MAP2: variants seen among roughly 807,000 people sequenced by gnomAD.
The protein encoded by MAP2 is microtubule associated protein 2.
Under a neutral mutation model 137.6 loss-of-function variants are expected in MAP2, and 14 were observed. The ratio of observed to expected loss-of-function variants is 0.10; its 90% CI spans 0.07 to 0.16. The LOEUF is 0.16. Among genes scored for constraint, MAP2 ranks in the 10% least tolerant of loss-of-function variants. The pLI is 1.00. For synonymous variants in MAP2, 786 were observed against 782.3 expected (o/e 1.00, Z -0.08); for missense variants, 2,088 against 2,191.5 (o/e 0.95, Z 0.94).
intron 1 of MAP2, among the ~76,000 whole-genome samples, chr2:209,489,000 C>A (rs752574901): frequency 6.6e-6 from 1 of 152,164 alleles, no homozygotes; most frequent in Admixed American, 6.5e-5. Context: ...CAGGGAGATA[C>A]CTCCCAGCAG....
At chr2:209,462,390 A>T (rs16842909) in intron 1 of MAP2, among the ~76,000 whole-genome samples, 10,215 of 152,288 alleles carry the variant, frequency 0.067, 440 homozygotes, top group African/African-American at 0.11. Context: ...CATGGATTTA[A>T]CACAAGAAGA....
intron 12 of MAP2, among the ~76,000 whole-genome samples, chr2:209,706,826 G>GT (rs773324253): frequency 1.1e-4 from 17 of 152,078 alleles, no homozygotes; most frequent in East Asian, 1.9e-4. Flanking sequence ...TTTAAACAGT[G>GT]TTTTTGCCTA....
chr2:209,620,161 T>C (rs933112854), intron 3 of MAP2, among the ~76,000 whole-genome samples: 2 of 152,198 alleles, frequency 1.3e-5, no homozygotes, highest in South Asian at 4.1e-4. Context: ...GCCTTACTTT[T>C]CTGACTAATC....
At chr2:209,475,394 C>T (rs1706958196) in intron 1 of MAP2, among the ~76,000 whole-genome samples, 1 of 152,054 alleles carries the variant, frequency 6.6e-6, no homozygotes, top group Non-Finnish European at 1.5e-5. Flanking sequence ...CCTTTCATCT[C>T]TGCTCAGTGC....
At chr2:209,451,458 G>A (rs369393863) in intron 1 of MAP2, among the ~76,000 whole-genome samples, 9 of 152,298 alleles carry the variant, frequency 5.9e-5, no homozygotes, top group African/African-American at 2.2e-4. Flanking sequence ...CAGGTAAGTA[G>A]TTCAGGCCCC....
chr2:209,551,665 T>A (rs1046926561), intron 2 of MAP2, among the ~76,000 whole-genome samples: 11 of 152,124 alleles, frequency 7.2e-5, no homozygotes, highest in African/African-American at 2.4e-4. Flanking sequence ...GTAGAAAAAA[T>A]TTCTATGATT....
intron 3 of MAP2, among the ~76,000 whole-genome samples, chr2:209,597,442 A>G (rs2081576104): frequency 1.3e-5 from 2 of 152,168 alleles, no homozygotes; most frequent in African/African-American, 2.4e-5. Flanking sequence ...TCATTTCTTT[A>G]TGCTCACGTG....
intron 1 of MAP2, among the ~76,000 whole-genome samples, chr2:209,487,140 A>G (rs1306602238): frequency 6.6e-6 from 1 of 152,156 alleles, no homozygotes; most frequent in African/African-American, 2.4e-5. Context: ...GGGATTTGCA[A>G]TTTTATTTAT....
At chr2:209,547,873 G>C (rs1289930104) in intron 2 of MAP2, among the ~76,000 whole-genome samples, 2 of 152,120 alleles carry the variant, frequency 1.3e-5, no homozygotes, top group African/African-American at 4.8e-5. Flanking sequence ...TTGAAGGCTG[G>C]AATTCTTTCA....
chr2:209,633,135 T>G (rs2093250147), intron 4 of MAP2, among the ~76,000 whole-genome samples: 3 of 152,162 alleles, frequency 2.0e-5, no homozygotes, highest in Admixed American at 2.0e-4. Flanking sequence ...CTCAATTTAA[T>G]TATTTATTTT....
At chr2:209,557,007 C>G (rs1402746057) in intron 2 of MAP2, among the ~76,000 whole-genome samples, 2 of 152,096 alleles carry the variant, frequency 1.3e-5, no homozygotes, top group Non-Finnish European at 2.9e-5. Context: ...AAGTTGACAT[C>G]TACCAGATAA....
intron 1 of MAP2, among the ~76,000 whole-genome samples, chr2:209,458,220 C>T (rs1701997087): frequency 6.6e-6 from 1 of 152,108 alleles, no homozygotes; most frequent in African/African-American, 2.4e-5. Context: ...GTAAAGTCTT[C>T]ATTACACTGT....
chr2:209,594,460 T>C (rs967694319), intron 3 of MAP2, among the ~76,000 whole-genome samples: 9 of 152,304 alleles, frequency 5.9e-5, no homozygotes, highest in Admixed American at 3.3e-4. Context: ...TACGCTAAGC[T>C]TGGGGTTTCC....
chr2:209,443,250 A>G (rs753196723), intron 1 of MAP2, among the ~76,000 whole-genome samples: 3 of 150,598 alleles, frequency 2.0e-5, no homozygotes, highest in Non-Finnish European at 3.0e-5. Context: ...GCTGCTTTTA[A>G]TCTTTCAAAA....
intron 5 of MAP2, among the ~76,000 whole-genome samples, chr2:209,675,023 A>T (rs921188988): frequency 4.6e-5 from 7 of 151,858 alleles, no homozygotes; most frequent in Non-Finnish European, 7.4e-5. Flanking sequence ...TTCCCAGAAC[A>T]ATCTTAGGCT....
Position 209,692,912 on chromosome 2 carries a change from C to T in MAP2, c.742C>T (p.Pro248Ser), listed in dbSNP as rs749829767. ...KQKTEPSLVV[P>S]GIDLPKEPPT... is the part of the protein sequence containing the mutation. ...GAAGACAGAACCAAGCCTTGTAGTA[C>T]CTGGCATTGACCTCCCTAAAGAGCC... Residue 248 changes from proline (P) to serine (S), a missense_variant, in exon 8 of 16, where the codon CCT (proline) becomes TCT (serine). This residue lies in a region of MAP2 where 859 missense variants were observed against 794.5 expected (regional missense o/e 1.08). Transcript: ENST00000682079. The T allele has an allele frequency of 1.2e-5, 19 of 1,614,012 alleles. No homozygotes were observed. The highest frequency in any genetic ancestry group is 1.5e-5 in the Non-Finnish European group (18 of 1,179,998).
At chr2:209,667,793 T>C (rs1218255836) in intron 5 of MAP2, among the ~76,000 whole-genome samples, 2 of 151,992 alleles carry the variant, frequency 1.3e-5, no homozygotes. Context: ...GTATGTTGTA[T>C]GGGTATAGTA....
chr2:209,524,912 T>C (rs1034999872), intron 2 of MAP2, among the ~76,000 whole-genome samples: 33 of 152,182 alleles, frequency 2.2e-4, no homozygotes, highest in African/African-American at 8.0e-4. Flanking sequence ...CCATGATAAT[T>C]AGGGACCATC....
intron 7 of MAP2, among the ~76,000 whole-genome samples, chr2:209,688,201 G>T (rs919713629): frequency 1.3e-5 from 2 of 151,904 alleles, no homozygotes; most frequent in African/African-American, 4.8e-5. Flanking sequence ...TGAGAAGGAA[G>T]AAAAAGAGAG....
Sources: allele counts gnomAD v4.1 joint callset (sites outside exome capture counted in the v4.1 genomes callset), GRCh38; gene constraint gnomAD v4.1.1; regional missense constraint gnomAD v4.1.1; transcripts MANE v1.5; gene names NCBI Gene and HGNC (gene_info 2026-07-23, HGNC 2026-07-21).